The following RGS1 variants were observed in gnomAD, a reference collection of about 807,000 sequenced individuals.
RGS1 encodes the protein regulator of G protein signaling 1, also known as B-cell activation protein BL34.
RGS1 carries 11 observed loss-of-function variants against 22.2 expected under a neutral mutation model. That is an observed-to-expected ratio of 0.50 (90% CI 0.31 to 0.82). The LOEUF (loss-of-function observed/expected upper bound fraction) is 0.82. Ranked by LOEUF, RGS1 falls within the 40% of genes least tolerant of loss-of-function variation. The pLI, the probability that RGS1 is intolerant of heterozygous loss-of-function variation, is 0.04. For missense variants in RGS1, 255 were observed against 245.8 expected (o/e 1.04, Z -0.25); for synonymous variants, 81 against 79.9 (o/e 1.01, Z -0.07).
In RGS1 at chr1:192,579,123, G is replaced by C; in HGVS notation, c.445-14G>C. The C allele has an allele frequency of 1.3e-6, 2 of 1,599,206 alleles. No individual in the cohort carries two copies. Among genetic ancestry groups the C allele is most frequent in the Non-Finnish European group, 8.5e-7 (1 of 1,175,686 alleles). On this transcript the variant is annotated splice_polypyrimidine_tract_variant and intron_variant, in intron 4 of 4. Transcript: ENST00000367459. The stretch of plus-strand genomic sequence containing the variant: ...AGAAAAGTATATATTAGCTAACAAG[G>C]TTTTCTTTTTTAGATCAATATTGAC...
At chr1:192,577,138 T>C in intron 3 of RGS1, 2 of 285,618 alleles carry the variant, frequency 7.0e-6, no homozygotes, top group Non-Finnish European at 1.3e-5. Flanking sequence ...AAGCCAAATA[T>C]TTTAATATGT....
chr1:192,576,114 T>C, intron 1 of RGS1, 171 bp from the exon 2 acceptor site: 1 of 921,998 alleles, frequency 1.1e-6, no homozygotes, highest in Admixed American at 2.9e-5. Context: ...TGGCATTAAA[T>C]TGGGTAGGAG....
At chr1:192,578,754 T>C (rs909984954) in intron 4 of RGS1, 9 of 386,590 alleles carry the variant, frequency 2.3e-5, no homozygotes, top group Non-Finnish European at 3.7e-5. Context: ...TATTTCCAAT[T>C]AACAGTATTA....
chr1:192,578,351 A>G lies in RGS1; in HGVS notation c.410A>G (p.Tyr137Cys). 1 of 1,613,102 alleles carries G rather than the reference A, an allele frequency of 6.2e-7. No homozygotes were observed. Among genetic ancestry groups the G allele is most frequent in the Non-Finnish European group, 8.5e-7 (1 of 1,179,514 alleles). Reference protein sequence around the residue: ...DLLPCKAEEIYKAFVHSDAAK... With the variant: ...DLLPCKAEEICKAFVHSDAAK... Reference sequence around the variant, plus strand: ...TTGCCCTGTAAAGCAGAAGAGATATATAAAGCATTTGTGCATTCAGATGCT... The same window carrying G: ...TTGCCCTGTAAAGCAGAAGAGATATGTAAAGCATTTGTGCATTCAGATGCT... Residue 137 changes from tyrosine to cysteine, a missense_variant, in exon 4 of 5, where the codon TAT becomes TGT. Tyr to Cys is a radical substitution (Grantham distance 194). Transcript: ENST00000367459.
intron 1 of RGS1, 43 bp downstream of exon 1, chr1:192,575,972 A>G: frequency 1.9e-6 from 3 of 1,604,402 alleles, no homozygotes; most frequent in Non-Finnish European, 2.6e-6. Flanking sequence ...TTAACAAGTT[A>G]TCTTTAATGG....
intron 1 of RGS1, 94 bp from the exon 2 acceptor site, chr1:192,576,191 T>C: frequency 1.8e-6 from 2 of 1,084,938 alleles, no homozygotes. Context: ...ATTTTTAGTA[T>C]TGCCTTATTC....
Position 192,579,399 on chromosome 1 carries a change from C to T in RGS1, c.*77C>T. On this transcript the variant is annotated 3_prime_UTR_variant, in exon 5 of 5. Transcript: ENST00000367459. ...GTGCCAGTATGGCTCCCTGGGTGAACAGCTTGGCCTTTTTTGGGTGTCTTG... is the reference window on the plus strand; with the variant it reads ...GTGCCAGTATGGCTCCCTGGGTGAATAGCTTGGCCTTTTTTGGGTGTCTTG... 3 of 1,424,990 alleles carry T rather than the reference C, an allele frequency of 2.1e-6. No individual in the cohort carries two copies. Among genetic ancestry groups the T allele is most frequent in the Non-Finnish European group, 2.9e-6 (3 of 1,036,840 alleles). 88.3% of individuals were successfully genotyped at this position (1,424,990 alleles called of 1,614,324 possible).
chr1:192,575,908 A>T lies in RGS1; in HGVS notation c.116A>T (p.Gln39Leu), dbSNP rs1298158167. The stretch of plus-strand genomic sequence containing the variant: ...CATTCACTTCTAGACGACAAAATGC[A>T]AAAAAGGAGGCCAAAGACTTTGTAA... The part of the protein sequence containing the change: ...TTHSLLDDKM[Q>L]KRRPKTFGMD... The change falls in exon 1 of 5, where the codon CAA becomes CTA. Residue 39 changes from glutamine (Q) to leucine (L), a missense_variant. Gln to Leu is a moderately radical substitution (Grantham distance 113, BLOSUM62 -2). Transcript: ENST00000367459. 10 of 1,612,984 alleles carry T rather than the reference A, an allele frequency of 6.2e-6. No homozygotes were observed. In the South Asian group the frequency reaches 9.9e-5, roughly 16 times the overall value.
At chr1:192,576,434 C>T (rs1662061248) in intron 2 of RGS1, 69 bp downstream of exon 2, 7 of 1,143,626 alleles carry the variant, frequency 6.1e-6, no homozygotes, top group Middle Eastern at 4.0e-4. Context: ...TCTCTATATC[C>T]CAGCAAGGGA....
intron 3 of RGS1, chr1:192,577,812 T>A (rs914868592): frequency 5.6e-6 from 1 of 178,098 alleles, no homozygotes; most frequent in African/African-American, 2.4e-5. Context: ...GGGGAAATTA[T>A]ATTTACTAAT....
At chr1:192,576,433 C>G (rs1662061215) in intron 2 of RGS1, 68 bp downstream of exon 2, 1 of 1,150,772 alleles carries the variant, frequency 8.7e-7, no homozygotes, top group African/African-American at 1.5e-5. Context: ...ATCTCTATAT[C>G]CCAGCAAGGG....
chr1:192,578,102 T>A (rs895021753), intron 3 of RGS1, 120 bp from the exon 4 acceptor site: 38 of 1,206,954 alleles, frequency 3.1e-5, no homozygotes, highest in Non-Finnish European at 4.2e-5. Flanking sequence ...AGTAGCTGTC[T>A]CTTACCTTTG....
rs79580559 is a variant in RGS1 at position 192,576,986 on chromosome 1, T to C, written c.280+151T>C. 1.2e-3 allele frequency: 638 copies of C among 533,534 alleles called. 3 individuals are homozygous for C. The highest frequency in any genetic ancestry group is 0.011 in the African/African-American group (564 of 50,764). The allele number at this position is 533,534 out of a possible 1,614,324, so 33.0% of individuals were successfully genotyped here. On this transcript the variant is annotated intron_variant, in intron 3 of 4. Transcript: ENST00000367459. ...ACTGATAACTTCAGCATAGTATGCC[T>C]CTTAATAATGCTGACTTAGCACTCA...
chr1:192,578,228 A>T lies in RGS1; in HGVS notation c.287A>T (p.Gln96Leu). ...LEKLLANQTG[Q>L]NVFGSFLKSE... ...ACCCCTCGTTTCTTTTTAGCTGGTC[A>T]AAATGTCTTTGGAAGTTTCCTAAAG... The change falls in exon 4 of 5, where the codon CAA (glutamine) becomes CTA (leucine). Residue 96 changes from glutamine to leucine, a missense_variant. Physicochemically the swap from Gln to Leu is moderately radical, Grantham distance 113. Coordinates refer to ENST00000367459, the MANE Select transcript of RGS1 (RefSeq NM_002922.4). 6.2e-7 allele frequency: 1 copy of T among 1,609,808 alleles called. No homozygotes were observed. Among genetic ancestry groups the T allele is most frequent in the Non-Finnish European group, 8.5e-7 (1 of 1,178,226 alleles).
chr1:192,577,057 T>A (rs966016445), intron 3 of RGS1: 2 of 410,126 alleles, frequency 4.9e-6, no homozygotes, highest in African/African-American at 4.1e-5. Context: ...CAATTAGGTA[T>A]TTTCATAGAT....
chr1:192,576,243 A>G, intron 1 of RGS1, 42 bp from the exon 2 acceptor site: 1 of 1,404,810 alleles, frequency 7.1e-7, no homozygotes, highest in Non-Finnish European at 1.0e-6. Flanking sequence ...AATAAAATGA[A>G]TTCTGAAGAA....
chr1:192,578,330 C>G lies in RGS1; in HGVS notation c.389C>G (p.Pro130Arg), dbSNP rs1225153883. 3 of 1,612,888 alleles carry G rather than the reference C, an allele frequency of 1.9e-6. No individual in the cohort carries two copies. Among genetic ancestry groups the G allele is most frequent in the Non-Finnish European group, 2.5e-6 (3 of 1,179,476 alleles). ...DYKKTESDLLPCKAEEIYKAF... is the reference protein window; with the variant it reads ...DYKKTESDLLRCKAEEIYKAF... ...AAGAAAACAGAGTCTGATCTTTTGC[C>G]CTGTAAAGCAGAAGAGATATATAAA... The change falls in exon 4 of 5, where the codon CCC becomes CGC. Residue 130 changes from proline (P) to arginine (R), a missense_variant. Transcript: ENST00000367459.
At position 192,579,466 on chromosome 1, in the gene RGS1, A is replaced by C. The variant is rs933047269; in HGVS notation, c.*144A>C. 5.8e-6 allele frequency: 4 copies of C among 691,146 alleles called. No individual in the cohort carries two copies. Among genetic ancestry groups the C allele is most frequent in the Non-Finnish European group, 7.2e-6 (3 of 417,492 alleles). 42.8% of individuals were successfully genotyped at this position (691,146 alleles called of 1,614,324 possible). ...AAATGACTCAGAATGGATTAACATG[A>C]AAGTTATCCAGGCGCAGAGTTGAAG... On this transcript the variant is annotated 3_prime_UTR_variant, in exon 5 of 5. Coordinates refer to ENST00000367459, the MANE Select transcript of RGS1 (RefSeq NM_002922.4).
chr1:192,577,944 C>T (rs2246829), intron 3 of RGS1: 8 of 369,110 alleles, frequency 2.2e-5, no homozygotes, highest in South Asian at 5.0e-5. Context: ...CAATTCAAAC[C>T]GCGGATAGAA....
Sources: allele counts gnomAD v4.1 joint callset, GRCh38; gene constraint gnomAD v4.1.1; transcripts MANE v1.5; gene names NCBI Gene and HGNC (gene_info 2026-07-23, HGNC 2026-07-21).